The following SENP7 variants were observed in gnomAD, a reference collection of about 807,000 sequenced individuals.
The protein encoded by SENP7 is SUMO specific peptidase 7.
Under a neutral mutation model 141.2 loss-of-function variants are expected in SENP7, and 64 were observed. The ratio of observed to expected loss-of-function variants is 0.45; its 90% CI spans 0.37 to 0.56. SENP7 has a LOEUF of 0.56. Ranked by LOEUF, SENP7 falls within the 20% of genes least tolerant of loss-of-function variation. The pLI is 0.00. For synonymous variants in SENP7, 382 were observed against 426.4 expected (o/e 0.90, Z 1.28); for missense variants, 1,025 against 1,212.2 (o/e 0.85, Z 2.29).
Position 101,339,410 on chromosome 3 carries a change from C to T in SENP7, c.2357+685G>A, listed in dbSNP as rs144117077. 7.2e-5 allele frequency among the ~76,000 whole-genome samples: 11 copies of T among 152,254 alleles called. No homozygotes were observed. In the East Asian group the frequency reaches 1.9e-3, roughly 27 times the overall value. ...AATGTTTTCATACCAATTCCTGCAG[C>T]TCTGGCTATACAAAAAGTTGGGGGA... On this transcript the variant is annotated intron_variant, in intron 16 of 23. Coordinates refer to ENST00000394095, the MANE Select transcript of SENP7 (RefSeq NM_020654.5).
chr3:101,506,020 A>ATTT (rs61021808), intron 1 of SENP7, among the ~76,000 whole-genome samples: 13 of 141,214 alleles, frequency 9.2e-5, no homozygotes, highest in South Asian at 8.8e-4. Context: ...TTATTCCATA[A>ATTT]TTTTTTTTTT....
intron 4 of SENP7, among the ~76,000 whole-genome samples, chr3:101,434,291 G>T (rs1478543588): frequency 6.6e-6 from 1 of 151,870 alleles, no homozygotes; most frequent in Non-Finnish European, 1.5e-5. Context: ...GTAATATTCA[G>T]AGGAAAGTTT....
chr3:101,460,486 C>G (rs73865637), intron 3 of SENP7, among the ~76,000 whole-genome samples: 1 of 151,860 alleles, frequency 6.6e-6, no homozygotes, highest in African/African-American at 2.4e-5. Flanking sequence ...ACAACTGAAC[C>G]GCCACATGCA....
chr3:101,341,581 G>T, intron 15 of SENP7, 65 bp downstream of exon 15: 3 of 1,305,946 alleles, frequency 2.3e-6, no homozygotes, highest in Non-Finnish European at 3.0e-6. Context: ...CTACTGAAAA[G>T]CAGCAACATG....
chr3:101,338,109 C>T (rs911302221), intron 16 of SENP7, among the ~76,000 whole-genome samples: 1 of 147,392 alleles, frequency 6.8e-6, no homozygotes, highest in Non-Finnish European at 1.5e-5. Flanking sequence ...GCTGAGATCA[C>T]ATCACTGCAC....
chr3:101,471,432 G>A (rs1025116654), intron 3 of SENP7, among the ~76,000 whole-genome samples: 1 of 152,146 alleles, frequency 6.6e-6, no homozygotes, highest in Non-Finnish European at 1.5e-5. Context: ...ATGGTGCTGG[G>A]AAAACTGGCT....
At chr3:101,396,424 A>G (rs1024525707) in intron 6 of SENP7, among the ~76,000 whole-genome samples, 6 of 152,088 alleles carry the variant, frequency 3.9e-5, no homozygotes, top group Non-Finnish European at 7.4e-5. Context: ...ATGGCACATC[A>G]TAAGTTTTTT....
chr3:101,440,984 T>C (rs1324491094), intron 4 of SENP7, among the ~76,000 whole-genome samples: 1 of 152,038 alleles, frequency 6.6e-6, no homozygotes, highest in Non-Finnish European at 1.5e-5. Flanking sequence ...AGAAAGGAAA[T>C]TCTCCAACAT....
intron 5 of SENP7, among the ~76,000 whole-genome samples, chr3:101,415,379 C>G (rs2061584253): frequency 6.6e-6 from 1 of 152,118 alleles, no homozygotes; most frequent in African/African-American, 2.4e-5. Flanking sequence ...GCCTGATGGA[C>G]CCTGAGGCTG....
At chr3:101,501,269 A>G (rs1466386889) in intron 1 of SENP7, 150 bp from the exon 2 acceptor site, 1 of 525,118 alleles carries the variant, frequency 1.9e-6, no homozygotes. Context: ...CTGAAGGGCT[A>G]AACATAAAAG....
At chr3:101,372,916 T>C (rs2060220049) in intron 6 of SENP7, among the ~76,000 whole-genome samples, 1 of 152,014 alleles carries the variant, frequency 6.6e-6, no homozygotes, top group African/African-American at 2.4e-5. Flanking sequence ...GGCATATTAT[T>C]CTCTATACTT....
intron 11 of SENP7, among the ~76,000 whole-genome samples, chr3:101,361,380 T>G (rs1559717297): frequency 6.6e-6 from 1 of 152,194 alleles, no homozygotes; most frequent in African/African-American, 2.4e-5. Flanking sequence ...CCGTTTAAAC[T>G]GGTAAAACAA....
At chr3:101,455,230 A>C (rs553486985) in intron 4 of SENP7, among the ~76,000 whole-genome samples, 1 of 152,328 alleles carries the variant, frequency 6.6e-6, no homozygotes, top group African/African-American at 2.4e-5. Flanking sequence ...CAAAAATTTA[A>C]GTCTGTTAAT....
intron 4 of SENP7, among the ~76,000 whole-genome samples, chr3:101,430,842 A>G (rs2062138627): frequency 6.6e-6 from 1 of 152,162 alleles, no homozygotes; most frequent in South Asian, 2.1e-4. Flanking sequence ...CCCTCTACAC[A>G]CTGCTTTAAA....
chr3:101,506,503 G>A (rs771123669), intron 1 of SENP7, among the ~76,000 whole-genome samples: 15 of 152,050 alleles, frequency 9.9e-5, no homozygotes, highest in South Asian at 2.1e-4. Context: ...ATCCATCACC[G>A]GTCATATTCC....
chr3:101,368,227 T>C (rs982981573), intron 7 of SENP7, among the ~76,000 whole-genome samples: 1 of 151,996 alleles, frequency 6.6e-6, no homozygotes, highest in Non-Finnish European at 1.5e-5. Context: ...TATACAATAG[T>C]TGTGAGGTGA....
Position 101,364,907 on chromosome 3 carries a change from G to A in SENP7, c.1403C>T (p.Thr468Ile). The change falls in exon 10 of 24, where the codon ACA (threonine) becomes ATA (isoleucine). Residue 468 changes from threonine to isoleucine, a missense_variant. By Grantham distance (89) the Thr-to-Ile change is moderately conservative. This residue lies in a region of SENP7 where 228 missense variants were observed against 228.5 expected (regional missense o/e 1.00). Transcript: ENST00000394095. Reference sequence around the variant, plus strand: ...AGAAGTACTCTCATTTTCATTAGTTGTCTCACGGTCTTGCTTAGATTGTAA... The same window carrying A: ...AGAAGTACTCTCATTTTCATTAGTTATCTCACGGTCTTGCTTAGATTGTAA... ...LKLQSKQDRE[T>I]TNENESTSES... The A allele has an allele frequency of 6.2e-7, 1 of 1,602,682 alleles. No individual in the cohort carries two copies. Among genetic ancestry groups the A allele is most frequent in the Non-Finnish European group, 8.5e-7 (1 of 1,173,530 alleles).
chr3:101,507,579 A>G (rs1214357509), intron 1 of SENP7, among the ~76,000 whole-genome samples: 1 of 152,040 alleles, frequency 6.6e-6, no homozygotes, highest in African/African-American at 2.4e-5. Context: ...CTAGCTTTTT[A>G]TTAGATATAT....
At chr3:101,387,027 G>A (rs773869330) in intron 6 of SENP7, among the ~76,000 whole-genome samples, 8 of 152,192 alleles carry the variant, frequency 5.3e-5, no homozygotes, top group Non-Finnish European at 1.0e-4. Context: ...TGCTGCTGCT[G>A]GCACCCATGT....
Sources: gnomAD v4.1 joint callset for allele counts (sites outside exome capture counted in the v4.1 genomes callset) on GRCh38, gnomAD v4.1.1 for gene constraint, gnomAD v4.1.1 regional missense constraint, MANE v1.5 for transcripts, NCBI Gene and HGNC (gene_info 2026-07-23, HGNC 2026-07-21) for gene names.